MCTP2: variants seen among roughly 807,000 people sequenced by gnomAD.
MCTP2 encodes multiple C2 and transmembrane domain-containing protein 2.
A neutral mutation model predicts 111.6 loss-of-function variants in MCTP2; 132 were observed. That is an observed-to-expected ratio of 1.18 (90% CI 1.03 to 1.37). The LOEUF (loss-of-function observed/expected upper bound fraction) is 1.37, where lower values mean the gene tolerates loss of function less well. Ranked by LOEUF, MCTP2 falls within the 40% of genes most tolerant of loss-of-function variation. MCTP2 has a pLI of 0.00. For synonymous variants in MCTP2, 395 were observed against 387.7 expected, an observed-to-expected ratio of 1.02 and a Z score of -0.22; for missense variants, 1,183 against 1,067.9, an observed-to-expected ratio of 1.11 and a Z score of -1.50.
intron 19 of MCTP2, among the ~76,000 whole-genome samples, chr15:94,450,000 G>A (rs927038859): frequency 6.6e-6 from 1 of 151,864 alleles, no homozygotes; most frequent in Non-Finnish European, 1.5e-5. Flanking sequence ...TCCCTAATCT[G>A]TTGCCAATTT....
At chr15:94,421,406 T>C (rs751825792) in intron 17 of MCTP2, among the ~76,000 whole-genome samples, 50 of 152,158 alleles carry the variant, frequency 3.3e-4, no homozygotes, top group Non-Finnish European at 6.9e-4. Context: ...ATCAAAGACA[T>C]AAGTGGCTTA....
intron 14 of MCTP2, among the ~76,000 whole-genome samples, chr15:94,398,486 T>C (rs1364000728): frequency 6.6e-6 from 1 of 152,182 alleles, no homozygotes; most frequent in Non-Finnish European, 1.5e-5. Context: ...TGATCCCTAT[T>C]TGGATTTCAC....
rs75666283 is a variant in MCTP2 at position 94,421,976 on chromosome 15, C to G, written c.2086-18200C>G. ...AAAGCAAGCTCTGGTTTCTTGCATACAAAGTGTTTCAATGAGAGGCTTAAA... is the reference window on the plus strand; with the variant it reads ...AAAGCAAGCTCTGGTTTCTTGCATAGAAAGTGTTTCAATGAGAGGCTTAAA... On this transcript the variant is annotated intron_variant, in intron 17 of 22. Transcript: ENST00000357742. 2.0e-5 allele frequency among the ~76,000 whole-genome samples: 3 copies of G among 152,164 alleles called. No individual in the cohort carries two copies. The East Asian group carries it at 5.8e-4, about 29-fold the overall frequency.
intron 17 of MCTP2, among the ~76,000 whole-genome samples, chr15:94,404,395 G>A (rs895431395): frequency 4.7e-5 from 7 of 148,746 alleles, no homozygotes; most frequent in Non-Finnish European, 7.4e-5. Context: ...CCTGCCTCCC[G>A]GGTTCAAGCG....
intron 17 of MCTP2, among the ~76,000 whole-genome samples, chr15:94,419,328 G>C (rs146696787): frequency 2.0e-5 from 3 of 152,234 alleles, no homozygotes; most frequent in African/African-American, 7.2e-5. Flanking sequence ...ACATTTCACT[G>C]CTCATGGATC....
intron 4 of MCTP2, among the ~76,000 whole-genome samples, chr15:94,316,678 A>AT (rs1222453938): frequency 6.6e-6 from 1 of 152,008 alleles, no homozygotes; most frequent in Non-Finnish European, 1.5e-5. Context: ...TATTGCAAAT[A>AT]TTTTTCTCCC....
In MCTP2 at chr15:94,481,789, T is replaced by A. The variant is rs1432330847; in HGVS notation, c.*2755T>A. On this transcript the variant is annotated 3_prime_UTR_variant, in exon 23 of 23. Coordinates refer to ENST00000357742, the MANE Select transcript of MCTP2 (RefSeq NM_001385001.1). ...ATTACAGCTAGCACCTAATAGTTACTCAGGAAATAAATACATGTTTAACAG... is the reference window on the plus strand; with the variant it reads ...ATTACAGCTAGCACCTAATAGTTACACAGGAAATAAATACATGTTTAACAG... 6.6e-6 allele frequency: 1 copy of A among 152,266 alleles called. No homozygotes were observed. Among genetic ancestry groups the A allele is most frequent in the East Asian group, 1.9e-4 (1 of 5,194 alleles). The allele number at this position is 152,266 out of a possible 1,614,324, so 9.4% of individuals were successfully genotyped here.
At chr15:94,243,692 C>G (rs1417106153) in intron 1 of MCTP2, among the ~76,000 whole-genome samples, 2 of 142,696 alleles carry the variant, frequency 1.4e-5, no homozygotes, top group Admixed American at 1.4e-4. Flanking sequence ...TATACACATA[C>G]ATATGCGTAT....
At chr15:94,431,294 G>T (rs902117507) in intron 17 of MCTP2, among the ~76,000 whole-genome samples, 3 of 152,154 alleles carry the variant, frequency 2.0e-5, no homozygotes, top group African/African-American at 7.2e-5. Context: ...TGAGAGAAAG[G>T]TATGTTCAAA....
chr15:94,251,798 C>G (rs1178507298), intron 1 of MCTP2, among the ~76,000 whole-genome samples: 2 of 152,164 alleles, frequency 1.3e-5, no homozygotes, highest in Non-Finnish European at 1.5e-5. Context: ...TCATTGTCCT[C>G]TCCCTCTGCC....
intron 14 of MCTP2, among the ~76,000 whole-genome samples, chr15:94,390,066 A>T (rs376846209): frequency 2.5e-4 from 3 of 12,026 alleles, no homozygotes; most frequent in African/African-American, 3.5e-4. Flanking sequence ...ATATATATAT[A>T]TATATATATA....
rs991823676 is a variant in MCTP2 at position 94,279,235 on chromosome 15, C to A, written c.-65-18966C>A. On this transcript the variant is annotated intron_variant, in intron 1 of 22. Coordinates refer to ENST00000357742, the MANE Select transcript of MCTP2 (RefSeq NM_001385001.1). ...GTGATCATTTTTAACAATAGTGATT[C>A]CTCCAATTCAAGAGCATGGAATGCT... Among the ~76,000 whole-genome samples, 3 of 152,070 alleles carry A rather than the reference C, an allele frequency of 2.0e-5. No homozygotes were observed. The South Asian group carries it at 6.2e-4, about 31-fold the overall frequency.
At chr15:94,401,761 G>A (rs1460190825) in intron 16 of MCTP2, 139 bp from the exon 17 acceptor site, 4 of 543,132 alleles carry the variant, frequency 7.4e-6, no homozygotes, top group South Asian at 4.3e-5. Flanking sequence ...GAAGTGTCAG[G>A]TCTTCTCCTT....
rs147292215 is a variant in MCTP2, at chr15:94,367,716, G to A, written c.1413G>A (p.Ala471=). ...TGTTGGTCACACTTACACCCTGTGC[G>A]GGGGTCTCCGTCTCTGATCTGTGTG... ...LLMLVTLTPC[A]GVSVSDLCVC... Residue 471 remains alanine, a synonymous_variant, in exon 11 of 23, where the codon GCG becomes GCA. Transcript: ENST00000357742. 41 of 1,609,368 alleles carry A rather than the reference G, an allele frequency of 2.5e-5. No homozygotes were observed. In the African/African-American group the frequency reaches 4.4e-4, roughly 17 times the overall value.
intron 13 of MCTP2, 54 bp downstream of exon 13, chr15:94,384,178 G>A: frequency 2.4e-6 from 3 of 1,240,194 alleles, no homozygotes; most frequent in South Asian, 2.6e-5. Context: ...GGTAGTCTGG[G>A]GCTCTTGAGT....
chr15:94,442,098 G>T (rs1005163862), intron 18 of MCTP2, among the ~76,000 whole-genome samples: 1 of 152,224 alleles, frequency 6.6e-6, no homozygotes, highest in African/African-American at 2.4e-5. Context: ...AGTGACATCT[G>T]AACAGCGTGC....
intron 4 of MCTP2, among the ~76,000 whole-genome samples, chr15:94,332,194 G>A (rs1157780079): frequency 6.6e-6 from 1 of 152,166 alleles, no homozygotes; most frequent in Non-Finnish European, 1.5e-5. Flanking sequence ...AATTAAAAGA[G>A]CCGCACTAGA....
chr15:94,298,052 C>T (rs2075356043), intron 1 of MCTP2, 149 bp from the exon 2 acceptor site: 5 of 421,996 alleles, frequency 1.2e-5, no homozygotes, highest in South Asian at 7.1e-5. Context: ...TACAAGTTAC[C>T]AATCAAATGT....
intron 14 of MCTP2, among the ~76,000 whole-genome samples, chr15:94,396,050 A>G (rs933557677): frequency 1.3e-5 from 2 of 152,196 alleles, no homozygotes; most frequent in Admixed American, 6.5e-5. Flanking sequence ...GCCTAATATT[A>G]TGCACTATTT....
Sources: gnomAD v4.1 joint callset for allele counts (sites outside exome capture counted in the v4.1 genomes callset) on GRCh38, gnomAD v4.1.1 for gene constraint, MANE v1.5 for transcripts, NCBI Gene and HGNC (gene_info 2026-07-23, HGNC 2026-07-21) for gene names.